The following ATP6V1C2 variants were observed in gnomAD, a reference collection of about 807,000 sequenced individuals.
ATP6V1C2 encodes V-type proton ATPase subunit C 2.
In ATP6V1C2, 45 loss-of-function variants were observed where a neutral mutation model predicts 56.8. The ratio of observed to expected loss-of-function variants is 0.79; its 90% confidence interval spans 0.62 to 1.02. The LOEUF (loss-of-function observed/expected upper bound fraction) is 1.02. Among genes scored for constraint, ATP6V1C2 ranks in the 50% least tolerant of loss-of-function variants. ATP6V1C2 has a pLI of 0.00. For missense variants in ATP6V1C2, 463 were observed against 519.7 expected (o/e 0.89, Z 1.06); for synonymous variants, 220 against 201.3 (o/e 1.09, Z -0.79).
intron 3 of ATP6V1C2, among the ~76,000 whole-genome samples, chr2:10,731,565 C>T (rs2148415740): frequency 6.6e-6 from 1 of 152,306 alleles, no homozygotes; most frequent in Non-Finnish European, 1.5e-5. Flanking sequence ...AGGCCTGTAA[C>T]AGATGCCATT....
intron 7 of ATP6V1C2, among the ~76,000 whole-genome samples, chr2:10,772,280 G>A (rs1053044142): frequency 2.6e-5 from 4 of 152,152 alleles, no homozygotes; most frequent in African/African-American, 7.2e-5. Context: ...AAGGTCACAC[G>A]GGGCCCGGAT....
intron 6 of ATP6V1C2, among the ~76,000 whole-genome samples, chr2:10,771,201 A>C (rs2148496729): frequency 6.6e-6 from 1 of 152,282 alleles, no homozygotes; most frequent in East Asian, 1.9e-4. Context: ...TTTCCCGGGG[A>C]AGCACTGTGT....
chr2:10,779,684 AT>A (rs1665228032), intron 12 of ATP6V1C2, among the ~76,000 whole-genome samples: 2 of 124,548 alleles, frequency 1.6e-5, no homozygotes, highest in Non-Finnish European at 3.3e-5. Context: ...AACTCCGGCT[AT>A]AGAAAAAAAA....
At chr2:10,774,199 C>CTGCCAGCA (rs1165191245) in intron 8 of ATP6V1C2, among the ~76,000 whole-genome samples, 1 of 152,202 alleles carries the variant, frequency 6.6e-6, no homozygotes, top group Non-Finnish European at 1.5e-5. Context: ...AAGGGTGACC[C>CTGCCAGCA]TGCCAGCATG....
chr2:10,734,606 C>T (rs1319820351), intron 3 of ATP6V1C2, among the ~76,000 whole-genome samples: 1 of 152,038 alleles, frequency 6.6e-6, no homozygotes, highest in Non-Finnish European at 1.5e-5. Flanking sequence ...GAGAGAAGAT[C>T]CTAGAAAGAC....
In ATP6V1C2 at chr2:10,768,840, G is replaced by A. The variant is rs950064662; in HGVS notation, c.470+30G>A. On this transcript the variant is annotated intron_variant, in intron 6 of 13. Coordinates refer to ENST00000272238, the MANE Select transcript of ATP6V1C2 (RefSeq NM_001039362.2). ...GTATTTGCCAGCCTCCACATCTGGC[G>A]GGGGCAGGTCCTGGCGGGGGCTTAG... is the stretch of plus-strand genomic sequence containing the variant. 8.2e-6 allele frequency: 13 copies of A among 1,583,922 alleles called. No individual in the cohort carries two copies. The African/African-American group carries it at 1.1e-4, about 13-fold the overall frequency.
At chr2:10,747,970 C>T (rs566612690) in intron 3 of ATP6V1C2, among the ~76,000 whole-genome samples, 1 of 152,216 alleles carries the variant, frequency 6.6e-6, no homozygotes, top group South Asian at 2.1e-4. Flanking sequence ...AAGCAATTTT[C>T]CTGCCTCAGC....
chr2:10,723,434 G>A (rs1422142248), intron 2 of ATP6V1C2, among the ~76,000 whole-genome samples: 1 of 152,078 alleles, frequency 6.6e-6, no homozygotes, highest in African/African-American at 2.4e-5. Flanking sequence ...GATCCCTTTG[G>A]TCCTGAGGGA....
chr2:10,777,699 A>C lies in ATP6V1C2; in HGVS notation c.940A>C (p.Arg314=). The change falls in exon 11 of 14, where the codon AGA becomes CGA. Residue 314 remains arginine (R), a synonymous_variant. Coordinates refer to ENST00000272238, the MANE Select transcript of ATP6V1C2 (RefSeq NM_001039362.2). Reference sequence around the variant, plus strand: ...TGCTGCGGGGCAGACCGACAGAGAGAGAGAGAGTGAGGGCGAGGGTGAGGT... The same window carrying C: ...TGCTGCGGGGCAGACCGACAGAGAGCGAGAGAGTGAGGGCGAGGGTGAGGT... ...RPAAGQTDRE[R]ESEGEGEGPL... is the part of the protein sequence containing the mutation. The C allele has an allele frequency of 6.2e-7, 1 of 1,613,688 alleles. No homozygotes were observed. Among genetic ancestry groups the C allele is most frequent in the Non-Finnish European group, 8.5e-7 (1 of 1,179,934 alleles).
Position 10,722,998 on chromosome 2 carries a change from G to A in ATP6V1C2, c.129+20G>A, listed in dbSNP as rs779256028. 2 of 1,612,964 alleles carry A rather than the reference G, an allele frequency of 1.2e-6. No homozygotes were observed. The highest frequency in any genetic ancestry group is 2.2e-5 in the East Asian group (1 of 44,848). On this transcript the variant is annotated intron_variant, in intron 2 of 13. Coordinates refer to ENST00000272238, the MANE Select transcript of ATP6V1C2 (RefSeq NM_001039362.2). The stretch of plus-strand genomic sequence containing the variant: ...TTCAAGGTAAAATTCTTGGGGAGGA[G>A]TGAAAAAGGGATGGATTGGTCAGGG...
At chr2:10,775,150 C>T in intron 10 of ATP6V1C2, 79 bp downstream of exon 10, 1 of 1,023,684 alleles carries the variant, frequency 9.8e-7, no homozygotes, top group Non-Finnish European at 1.5e-6. Flanking sequence ...GTCTCCAGCT[C>T]TCCCTCCTCC....
intron 4 of ATP6V1C2, 68 bp downstream of exon 4, chr2:10,754,134 C>T: frequency 7.3e-7 from 1 of 1,369,022 alleles, no homozygotes; most frequent in Non-Finnish European, 1.0e-6. Context: ...GTCGTCCTTG[C>T]TGTGGCCACA....
At position 10,780,941 on chromosome 2, in the gene ATP6V1C2, C is replaced by T. The variant is rs1472001817; in HGVS notation, c.1062-1302C>T. Among the ~76,000 whole-genome samples the T allele has an allele frequency of 2.0e-5, 3 of 152,096 alleles. No individual in the cohort carries two copies. The highest frequency in any genetic ancestry group is 4.4e-5 in the Non-Finnish European group (3 of 68,016). ...TGTAATTTTAGTAGCGACGGGGTTT[C>T]ACCACGTTGGCCAGGCTGGTCTTGA... On this transcript the variant is annotated intron_variant, in intron 12 of 13. Transcript: ENST00000272238. This position sits in a 1 kb window ranked among gnomAD's most constrained non-coding sequence, Gnocchi z 4.1.
intron 8 of ATP6V1C2, among the ~76,000 whole-genome samples, chr2:10,774,279 G>A (rs1664815241): frequency 6.6e-6 from 1 of 152,244 alleles, no homozygotes; most frequent in Admixed American, 6.5e-5. Flanking sequence ...ATAGGACTCA[G>A]AGATGCTTAG....
chr2:10,778,418 C>A, intron 11 of ATP6V1C2, 154 bp from the exon 12 acceptor site: 1 of 680,598 alleles, frequency 1.5e-6, no homozygotes, highest in Non-Finnish European at 2.5e-6. Context: ...AGGTCCTGAG[C>A]CTGACCCAGG....
Position 10,780,926 on chromosome 2 carries a change from G to T in ATP6V1C2, c.1062-1317G>T, listed in dbSNP as rs1034859496. ...CGCCCAGCTAATTTTTGTAATTTTA[G>T]TAGCGACGGGGTTTCACCACGTTGG... is the stretch of plus-strand genomic sequence containing the variant. On this transcript the variant is annotated intron_variant, in intron 12 of 13. Transcript: ENST00000272238. This position sits in a 1 kb window ranked among gnomAD's most constrained non-coding sequence, Gnocchi z 4.1. Among the ~76,000 whole-genome samples the T allele has an allele frequency of 6.6e-6, 1 of 152,078 alleles. No individual in the cohort carries two copies. The highest frequency in any genetic ancestry group is 1.5e-5 in the Non-Finnish European group (1 of 68,002).
intron 12 of ATP6V1C2, among the ~76,000 whole-genome samples, chr2:10,779,155 A>G (rs1245412991): frequency 1.3e-5 from 2 of 151,400 alleles, no homozygotes; most frequent in Non-Finnish European, 2.9e-5. Context: ...CCCAGGCTAG[A>G]GTGCAATGGC....
intron 4 of ATP6V1C2, among the ~76,000 whole-genome samples, chr2:10,761,639 G>C (rs1348661149): frequency 1.3e-5 from 2 of 152,180 alleles, no homozygotes; most frequent in Non-Finnish European, 2.9e-5. Context: ...GGTTTCTCCT[G>C]AGGGCTCTCT....
intron 5 of ATP6V1C2, among the ~76,000 whole-genome samples, chr2:10,764,841 C>T (rs190307845): frequency 0.016 from 2,406 of 152,162 alleles, 61 homozygotes; most frequent in African/African-American, 0.055. Context: ...CGTGGTGGCG[C>T]ACACCTGTAG....
Sources: gnomAD v4.1 joint callset for allele counts (sites outside exome capture counted in the v4.1 genomes callset) on GRCh38, gnomAD v4.1.1 for gene constraint, Gnocchi (gnomAD v3.1) non-coding constraint, MANE v1.5 for transcripts, NCBI Gene and HGNC (gene_info 2026-07-23, HGNC 2026-07-21) for gene names.